The following ADGRL3 variants were observed in gnomAD, a reference collection of about 807,000 sequenced individuals.
ADGRL3 encodes the protein calcium-independent alpha-latrotoxin receptor 3.
Under a neutral mutation model 153.5 loss-of-function variants are expected in ADGRL3, and 62 were observed. The ratio of observed to expected loss-of-function variants is 0.40; its 90% CI spans 0.33 to 0.50. ADGRL3 has a LOEUF of 0.50. ADGRL3 is among the 20% of genes least tolerant of loss of function. The pLI, the probability that ADGRL3 is intolerant of heterozygous loss-of-function variation, is 0.47. For synonymous variants in ADGRL3, 710 were observed against 672.5 expected (o/e 1.06, Z -0.86); for missense variants, 1,641 against 1,859.4 (o/e 0.88, Z 2.16).
chr4:61,248,254 G>A (rs1757864821), intron 1 of ADGRL3, among the ~76,000 whole-genome samples: 1 of 151,916 alleles, frequency 6.6e-6, no homozygotes, highest in Admixed American at 6.6e-5. Flanking sequence ...CCCATGGTGA[G>A]TTATTGAAAT....
At chr4:61,710,303 G>T (rs761907770) in intron 6 of ADGRL3, among the ~76,000 whole-genome samples, 13 of 152,300 alleles carry the variant, frequency 8.5e-5, no homozygotes, top group Non-Finnish European at 1.6e-4. Context: ...AGCTAATGGG[G>T]ATCAGTCTTG....
chr4:61,208,261 G>A (rs1738261045), intron 1 of ADGRL3, among the ~76,000 whole-genome samples: 1 of 152,074 alleles, frequency 6.6e-6, no homozygotes, highest in Non-Finnish European at 1.5e-5. Context: ...GGTTGAATAA[G>A]CTATTGGATT....
intron 4 of ADGRL3, among the ~76,000 whole-genome samples, chr4:61,533,467 A>G (rs1360208632): frequency 1.8e-5 from 1 of 56,502 alleles, no homozygotes; most frequent in Non-Finnish European, 3.5e-5. Context: ...CTCTGAGAGC[A>G]TTTGTATTTT....
intron 1 of ADGRL3, among the ~76,000 whole-genome samples, chr4:61,301,764 C>G (rs1357520531): frequency 6.6e-6 from 1 of 152,096 alleles, no homozygotes; most frequent in Non-Finnish European, 1.5e-5. Flanking sequence ...GAACAAATTT[C>G]AATTTGTCCA....
In ADGRL3 at chr4:62,073,880, A is replaced by T. The variant is rs1746380005; in HGVS notation, c.*2972A>T. 1 of 152,092 alleles carries T rather than the reference A, an allele frequency of 6.6e-6. No individual in the cohort carries two copies. The allele number at this position is 152,092 out of a possible 1,614,324, so 9.4% of individuals were successfully genotyped here. On this transcript the variant is annotated 3_prime_UTR_variant, in exon 27 of 27. Coordinates refer to ENST00000683033, the MANE Select transcript of ADGRL3 (RefSeq NM_001387552.1). ...TAAGATCCCAAAGATTATAACAGAGAGAAATTTCCCCTGCAAGTATTATGT... is the reference window on the plus strand; with the variant it reads ...TAAGATCCCAAAGATTATAACAGAGTGAAATTTCCCCTGCAAGTATTATGT...
intron 11 of ADGRL3, among the ~76,000 whole-genome samples, chr4:61,907,902 G>A (rs1309754481): frequency 1.3e-5 from 2 of 152,148 alleles, no homozygotes; most frequent in African/African-American, 2.4e-5. Context: ...TTCTGAGAAT[G>A]CAGGTCAGCA....
chr4:61,290,411 T>G (rs2094128424), intron 1 of ADGRL3, among the ~76,000 whole-genome samples: 1 of 152,114 alleles, frequency 6.6e-6, no homozygotes, highest in Non-Finnish European at 1.5e-5. Flanking sequence ...GTGGCTTATA[T>G]TCTATCTTTC....
At chr4:61,758,531 G>A (rs1436452756) in intron 8 of ADGRL3, among the ~76,000 whole-genome samples, 1 of 152,018 alleles carries the variant, frequency 6.6e-6, no homozygotes, top group African/African-American at 2.4e-5. Flanking sequence ...CCATTTGCTT[G>A]GTAGATCTTC....
chr4:61,483,197 A>T (rs1480772049), intron 2 of ADGRL3, among the ~76,000 whole-genome samples: 1 of 152,156 alleles, frequency 6.6e-6, no homozygotes. Flanking sequence ...TCTTAATTAA[A>T]GATACTGTAT....
At chr4:61,351,733 C>A (rs1199346224) in intron 1 of ADGRL3, among the ~76,000 whole-genome samples, 9 of 150,594 alleles carry the variant, frequency 6.0e-5, no homozygotes, top group Admixed American at 4.6e-4. Flanking sequence ...ACTGTTGAGA[C>A]CTACTGCTCA....
chr4:61,509,392 T>G (rs879531824), intron 3 of ADGRL3, among the ~76,000 whole-genome samples: 2 of 152,148 alleles, frequency 1.3e-5, no homozygotes, highest in African/African-American at 2.4e-5. Context: ...CCTCCCAAAG[T>G]GCTGGGATTA....
chr4:61,669,807 T>A (rs575039666), intron 5 of ADGRL3, among the ~76,000 whole-genome samples: 1 of 152,310 alleles, frequency 6.6e-6, no homozygotes, highest in South Asian at 2.1e-4. Flanking sequence ...ACCCTGTCTT[T>A]AAAAAGTCAG....
chr4:61,734,374 A>C (rs989746951), intron 8 of ADGRL3, among the ~76,000 whole-genome samples: 4 of 152,168 alleles, frequency 2.6e-5, no homozygotes, highest in Admixed American at 2.0e-4. Context: ...GGTAATTTAT[A>C]AAAGAAAGAG....
intron 2 of ADGRL3, among the ~76,000 whole-genome samples, chr4:61,457,819 G>A (rs1352677936): frequency 6.6e-6 from 1 of 151,368 alleles, no homozygotes; most frequent in Non-Finnish European, 1.5e-5. Flanking sequence ...TATTCCCGAA[G>A]GCCTTGTGTT....
intron 4 of ADGRL3, among the ~76,000 whole-genome samples, chr4:61,554,711 A>T (rs1201999776): frequency 6.6e-6 from 1 of 152,116 alleles, no homozygotes; most frequent in Admixed American, 6.6e-5. Flanking sequence ...ACTGAATTAA[A>T]CTGTATCTCT....
intron 8 of ADGRL3, among the ~76,000 whole-genome samples, chr4:61,757,052 G>A (rs993625446): frequency 6.6e-6 from 1 of 152,182 alleles, no homozygotes; most frequent in South Asian, 2.1e-4. Context: ...TTGCGTCGAT[G>A]TTCATCAGAG....
At chr4:61,640,738 A>G (rs113392105) in intron 5 of ADGRL3, among the ~76,000 whole-genome samples, 59 of 152,248 alleles carry the variant, frequency 3.9e-4, no homozygotes, top group African/African-American at 1.4e-3. Context: ...ATGAGACAAT[A>G]TTTAGTTTCT....
At chr4:61,892,101 C>T (rs565605301) in intron 9 of ADGRL3, among the ~76,000 whole-genome samples, 1 of 151,834 alleles carries the variant, frequency 6.6e-6, no homozygotes, top group East Asian at 1.9e-4. Context: ...GATCACTAAG[C>T]TACTCCAGTT....
chr4:61,371,165 G>A (rs2096519322), intron 1 of ADGRL3, among the ~76,000 whole-genome samples: 1 of 150,750 alleles, frequency 6.6e-6, no homozygotes, highest in South Asian at 2.1e-4. Context: ...GCACACTGAT[G>A]GGTCTTGACT....
Sources: allele counts gnomAD v4.1 joint callset (sites outside exome capture counted in the v4.1 genomes callset), GRCh38; gene constraint gnomAD v4.1.1; transcripts MANE v1.5; gene names NCBI Gene and HGNC (gene_info 2026-07-23, HGNC 2026-07-21).